ATF7IP2: variants seen among roughly 807,000 people sequenced by gnomAD.
ATF7IP2 encodes the protein activating transcription factor 7 interacting protein 2.
ATF7IP2 carries 42 observed loss-of-function variants against 64.2 expected under a neutral mutation model. That is an observed-to-expected ratio of 0.65 (90% confidence interval 0.51 to 0.85). The LOEUF is 0.85. Ranked by LOEUF, ATF7IP2 falls within the 40% of genes least tolerant of loss-of-function variation. ATF7IP2 has a pLI of 0.00. For missense variants in ATF7IP2, 933 were observed against 784.2 expected (o/e 1.19, Z -2.27); for synonymous variants, 308 against 272.8 (o/e 1.13, Z -1.27).
At chr16:10,390,800 A>G (rs2047306314) in intron 1 of ATF7IP2, among the ~76,000 whole-genome samples, 1 of 152,156 alleles carries the variant, frequency 6.6e-6, no homozygotes, top group Non-Finnish European at 1.5e-5. Context: ...AAAAGGAAAA[A>G]GAGAGACTGA....
intron 8 of ATF7IP2, among the ~76,000 whole-genome samples, chr16:10,452,723 A>G (rs2049025579): frequency 6.6e-6 from 1 of 152,162 alleles, no homozygotes; most frequent in Non-Finnish European, 1.5e-5. Context: ...GCTCTGTCCC[A>G]GGGAGATGGG....
intron 8 of ATF7IP2, among the ~76,000 whole-genome samples, chr16:10,443,005 G>T (rs899255832): frequency 3.3e-5 from 5 of 152,170 alleles, no homozygotes; most frequent in African/African-American, 1.2e-4. Context: ...AAAAGATCGT[G>T]AGGGGCCTCT....
chr16:10,474,236 A>T (rs2049920459), intron 12 of ATF7IP2, among the ~76,000 whole-genome samples: 1 of 152,154 alleles, frequency 6.6e-6, no homozygotes, highest in Non-Finnish European at 1.5e-5. Context: ...TCTGTTCTGT[A>T]CTATAATTGT....
At chr16:10,466,304 G>A (rs2049567976) in intron 9 of ATF7IP2, among the ~76,000 whole-genome samples, 1 of 152,196 alleles carries the variant, frequency 6.6e-6, no homozygotes, top group Non-Finnish European at 1.5e-5. Context: ...TTTGCAGATT[G>A]GGGAAAATAT....
chr16:10,472,401 G>A (rs987242043), intron 10 of ATF7IP2, among the ~76,000 whole-genome samples: 19 of 151,938 alleles, frequency 1.3e-4, no homozygotes, highest in African/African-American at 4.6e-4. Flanking sequence ...TCAGTTTAGG[G>A]CCTTTTGTTT....
intron 12 of ATF7IP2, among the ~76,000 whole-genome samples, chr16:10,475,901 T>C (rs1460106954): frequency 6.6e-6 from 1 of 152,184 alleles, no homozygotes. Context: ...TTACAAGAGA[T>C]GTACTTTAAA....
intron 1 of ATF7IP2, among the ~76,000 whole-genome samples, 178 bp from the exon 2 acceptor site, chr16:10,414,396 A>G (rs1053829700): frequency 3.9e-5 from 6 of 151,996 alleles, no homozygotes; most frequent in Non-Finnish European, 7.4e-5. Context: ...TTGCATTTCT[A>G]TAAATGTGTC....
chr16:10,435,483 C>T (rs2048390399), intron 6 of ATF7IP2, among the ~76,000 whole-genome samples: 5 of 152,190 alleles, frequency 3.3e-5, no homozygotes, highest in East Asian at 1.9e-4. Flanking sequence ...TGTTGATGGG[C>T]ACATTACCAT....
chr16:10,430,348 T>G (rs2048202898), intron 4 of ATF7IP2, among the ~76,000 whole-genome samples: 1 of 152,196 alleles, frequency 6.6e-6, no homozygotes, highest in Non-Finnish European at 1.5e-5. Context: ...TAACAAGAAG[T>G]GGCTAGATAA....
At chr16:10,403,245 T>G (rs1406424968) in intron 1 of ATF7IP2, among the ~76,000 whole-genome samples, 1 of 151,950 alleles carries the variant, frequency 6.6e-6, no homozygotes, top group African/African-American at 2.4e-5. Context: ...GGCTCAGGAG[T>G]GTGAGGTGAG....
chr16:10,389,975 G>A (rs1364596006), intron 1 of ATF7IP2, among the ~76,000 whole-genome samples: 2 of 152,056 alleles, frequency 1.3e-5, no homozygotes, highest in East Asian at 1.9e-4. Context: ...AGACTTCTTC[G>A]AGTCTTAAGA....
chr16:10,463,674 G>C (rs1162760685), intron 9 of ATF7IP2, among the ~76,000 whole-genome samples: 1 of 152,026 alleles, frequency 6.6e-6, no homozygotes, highest in Non-Finnish European at 1.5e-5. Flanking sequence ...TAGAACTCCT[G>C]AACTACACGA....
At position 10,426,568 on chromosome 16, in the gene ATF7IP2, T is replaced by C. The variant is rs527415223; in HGVS notation, c.-159-2300T>C. On this transcript the variant is annotated intron_variant, in intron 3 of 13. Coordinates refer to ENST00000562102, the MANE Select transcript of ATF7IP2 (RefSeq NM_001393719.1). Reference sequence around the variant, plus strand: ...ACAAATTTACTCTGAGCTGGCACTCTGCATTCTTACTATATATTGTAATAA... The same window carrying C: ...ACAAATTTACTCTGAGCTGGCACTCCGCATTCTTACTATATATTGTAATAA... Among the ~76,000 whole-genome samples, 5 of 152,328 alleles carry C rather than the reference T, an allele frequency of 3.3e-5. No homozygotes were observed. In the South Asian group the frequency reaches 1.0e-3, roughly 32 times the overall value.
intron 1 of ATF7IP2, among the ~76,000 whole-genome samples, chr16:10,388,933 A>G (rs2047264616): frequency 6.6e-6 from 1 of 152,100 alleles, no homozygotes; most frequent in African/African-American, 2.4e-5. Context: ...AATGGCGTGA[A>G]GCCGGGAGGC....
intron 10 of ATF7IP2, among the ~76,000 whole-genome samples, chr16:10,472,496 G>A (rs905983086): frequency 1.3e-5 from 2 of 151,598 alleles, no homozygotes; most frequent in Admixed American, 6.6e-5. Context: ...TGGTAGTGAC[G>A]GTTTGTTTTT....
At chr16:10,430,444 T>G (rs1190499581) in intron 4 of ATF7IP2, among the ~76,000 whole-genome samples, 167 bp from the exon 5 acceptor site, 1 of 152,174 alleles carries the variant, frequency 6.6e-6, no homozygotes, top group Non-Finnish European at 1.5e-5. Context: ...GATTTTTATG[T>G]TTTCAGTGTC....
At chr16:10,465,488 T>A (rs902770998) in intron 9 of ATF7IP2, among the ~76,000 whole-genome samples, 1 of 151,730 alleles carries the variant, frequency 6.6e-6, no homozygotes, top group Non-Finnish European at 1.5e-5. Context: ...GACTCACGCC[T>A]GTAATCCCAG....
At chr16:10,433,186 T>C (rs756873915) in intron 5 of ATF7IP2, among the ~76,000 whole-genome samples, 47 of 152,188 alleles carry the variant, frequency 3.1e-4, no homozygotes, top group Non-Finnish European at 5.9e-4. Context: ...TCCTTCTCTT[T>C]TTTCCTCCTT....
chr16:10,457,470 C>A lies in ATF7IP2; in HGVS notation c.1293C>A (p.Ser431=), dbSNP rs753480948. The A allele has an allele frequency of 6.3e-7, 1 of 1,593,138 alleles. No individual in the cohort carries two copies. The highest frequency in any genetic ancestry group is 8.5e-7 in the Non-Finnish European group (1 of 1,172,858). Residue 431 remains serine (S), a synonymous_variant, in exon 9 of 14, where the codon TCC becomes TCA. Coordinates refer to ENST00000562102, the MANE Select transcript of ATF7IP2 (RefSeq NM_001393719.1). ...TGAATTATGAGCCTTCTAACCCTTC[C>A]GAAAAAGGAAGTAAAAAAATTAATT... is the stretch of plus-strand genomic sequence containing the variant. ...SSVNYEPSNP[S]EKGSKKINLS...
Sources: allele counts gnomAD v4.1 joint callset (sites outside exome capture counted in the v4.1 genomes callset), GRCh38; gene constraint gnomAD v4.1.1; transcripts MANE v1.5; gene names NCBI Gene and HGNC (gene_info 2026-07-23, HGNC 2026-07-21).